Variants in CFDP1 observed in about 807,000 individuals in gnomAD.
CFDP1 encodes the protein chromatin remodeling protein CFDP1.
In CFDP1, 31 loss-of-function variants were observed where a neutral mutation model predicts 40.1. The ratio of observed to expected loss-of-function variants is 0.77; its 90% CI spans 0.58 to 1.04. The LOEUF (loss-of-function observed/expected upper bound fraction) is 1.04, where lower values mean the gene tolerates loss of function less well. Ranked by LOEUF, CFDP1 falls within the 50% of genes least tolerant of loss-of-function variation. CFDP1 has a pLI of 0.00. For synonymous variants in CFDP1, 167 were observed against 120.0 expected (o/e 1.39, Z -2.56); for missense variants, 423 against 343.4 (o/e 1.23, Z -1.83).
At chr16:75,345,260 C>T (rs1400479746) in intron 5 of CFDP1, among the ~76,000 whole-genome samples, 2 of 151,986 alleles carry the variant, frequency 1.3e-5, no homozygotes, top group African/African-American at 4.8e-5. Context: ...AGTTTGAGAC[C>T]AGCCTGGCCA....
intron 3 of CFDP1, 30 bp downstream of exon 3, chr16:75,412,505 G>A: frequency 2.6e-6 from 4 of 1,517,326 alleles, no homozygotes; most frequent in Non-Finnish European, 2.7e-6. Context: ...TTTCTGGAGA[G>A]GCATTCACCT....
At chr16:75,399,022 A>G (rs1406812600) in intron 4 of CFDP1, among the ~76,000 whole-genome samples, 1 of 145,668 alleles carries the variant, frequency 6.9e-6, no homozygotes, top group Non-Finnish European at 1.5e-5. Context: ...ATGCCACTGC[A>G]CTTCAGCCTG....
chr16:75,361,741 A>G (rs2151532160), intron 5 of CFDP1, among the ~76,000 whole-genome samples: 1 of 152,298 alleles, frequency 6.6e-6, no homozygotes, highest in South Asian at 2.1e-4. Flanking sequence ...AGGCACTTGC[A>G]CCCTCCATAA....
chr16:75,303,468 A>AT (rs1477555522), intron 6 of CFDP1, among the ~76,000 whole-genome samples: 1 of 149,316 alleles, frequency 6.7e-6, no homozygotes, highest in East Asian at 2.0e-4. Context: ...TTCCAGGTTC[A>AT]TTTAGATAAT....
rs887206698 is a variant in CFDP1 at position 75,401,836 on chromosome 16, A to G, written c.531-6627T>C. Among the ~76,000 whole-genome samples, 10 of 137,104 alleles carry G rather than the reference A, an allele frequency of 7.3e-5. No homozygotes were observed. The Admixed American group carries it at 8.3e-4, about 11-fold the overall frequency. The allele number at this position is 137,104 out of a possible 152,430, so 89.9% of individuals were successfully genotyped here. A position where few individuals can be genotyped will look rare whatever the true frequency, so the allele number is the denominator to read the frequency against. On this transcript the variant is annotated intron_variant, in intron 4 of 6. Transcript: ENST00000283882. ...AAGCAACCTAGATCCAAGCACTGTT[A>G]GATGTTGAACATATAAAAAAAAATA...
At chr16:75,309,369 A>G (rs1597322385) in intron 5 of CFDP1, among the ~76,000 whole-genome samples, 1 of 151,712 alleles carries the variant, frequency 6.6e-6, no homozygotes, top group Non-Finnish European at 1.5e-5. Flanking sequence ...CCCTATTCTG[A>G]GAAAGAACAC....
At position 75,303,157 on chromosome 16, in the gene CFDP1, G is replaced by A. The variant is rs7184331; in HGVS notation, c.809+1867C>T. Among the ~76,000 whole-genome samples, 1,363 of 148,168 alleles carry A rather than the reference G, an allele frequency of 9.2e-3. 27 individuals carry two copies. The highest frequency in any genetic ancestry group is 0.029 in the African/African-American group (1,159 of 39,714). The stretch of plus-strand genomic sequence containing the variant: ...AGAGGTTGCAGTGACCCAAGATCAC[G>A]CCATTGCATTCCAGCCTGCCCAACA... On this transcript the variant is annotated intron_variant, in intron 6 of 6. Transcript: ENST00000283882.
intron 6 of CFDP1, among the ~76,000 whole-genome samples, chr16:75,294,533 GAAGGA>G (rs1274297695): frequency 2.0e-5 from 3 of 152,324 alleles, no homozygotes; most frequent in Non-Finnish European, 2.9e-5. Flanking sequence ...ATGTGGTAAT[GAAGGA>G]AAGAAGACAG....
rs375817423 is a variant in CFDP1 at position 75,424,970 on chromosome 16, CTGGTAAATGAGTT to C, written c.64+8306_64+8318del. 3.6e-3 allele frequency among the ~76,000 whole-genome samples: 546 copies of C among 152,146 alleles called. 4 individuals carry two copies. Among genetic ancestry groups the C allele is most frequent in the African/African-American group, 0.012 (513 of 41,478 alleles). On this transcript the variant is annotated intron_variant, in intron 1 of 6. Coordinates refer to ENST00000283882, the MANE Select transcript of CFDP1 (RefSeq NM_006324.3). ...ACAGAATCTACAAAAACCTCCAGAA[CTGGTAAATGAGTT>C]TAGCAAGGTTGTAGAATACAAGGTT...
At chr16:75,297,146 T>TGTG (rs1491503380) in intron 6 of CFDP1, among the ~76,000 whole-genome samples, 5,092 of 132,898 alleles carry the variant, frequency 0.038, 355 homozygotes, top group East Asian at 0.047. Flanking sequence ...TTCCCATTTC[T>TGTG]TGTGTGTGTG....
chr16:75,326,978 A>C (rs993791258), intron 5 of CFDP1, among the ~76,000 whole-genome samples: 1 of 152,208 alleles, frequency 6.6e-6, no homozygotes, highest in Admixed American at 6.5e-5. Context: ...AGTTCTATCA[A>C]AACGGGAATA....
At chr16:75,326,697 C>T (rs1013686194) in intron 5 of CFDP1, among the ~76,000 whole-genome samples, 1 of 152,158 alleles carries the variant, frequency 6.6e-6, no homozygotes, top group Non-Finnish European at 1.5e-5. Context: ...AAAGAAGAGC[C>T]TAAAATCTTC....
chr16:75,428,740 A>G (rs565189783), intron 1 of CFDP1, among the ~76,000 whole-genome samples: 1 of 152,118 alleles, frequency 6.6e-6, no homozygotes, highest in Non-Finnish European at 1.5e-5. Flanking sequence ...AGGAAAAAAA[A>G]TTATAGGAAA....
rs897369070 is a variant in CFDP1, at chr16:75,294,146, C to G, written c.810-104G>C. 47 of 801,530 alleles carry G rather than the reference C, an allele frequency of 5.9e-5. 1 individual carries two copies. In the African/African-American group the frequency reaches 7.1e-4, roughly 12 times the overall value. 49.7% of individuals were successfully genotyped at this position (801,530 alleles called of 1,614,324 possible). On this transcript the variant is annotated intron_variant, in intron 6 of 6. Transcript: ENST00000283882. Reference sequence around the variant, plus strand: ...TAAACTAAGTTACAGTAAATGGTGCCGAGAGTGACCACCCATGACTCTTCC... The same window carrying G: ...TAAACTAAGTTACAGTAAATGGTGCGGAGAGTGACCACCCATGACTCTTCC...
At chr16:75,388,920 C>CTT (rs35626913) in intron 5 of CFDP1, among the ~76,000 whole-genome samples, 1 of 146,382 alleles carries the variant, frequency 6.8e-6, no homozygotes, top group African/African-American at 2.5e-5. Flanking sequence ...ACATTAAGGC[C>CTT]TTTTTTTTTT....
intron 5 of CFDP1, among the ~76,000 whole-genome samples, chr16:75,357,515 A>C (rs759504929): frequency 1.3e-5 from 2 of 152,118 alleles, no homozygotes; most frequent in Non-Finnish European, 2.9e-5. Flanking sequence ...TTGACTTCCA[A>C]AGTGCTGAGA....
chr16:75,393,109 G>A (rs1332693055), intron 5 of CFDP1, among the ~76,000 whole-genome samples: 1 of 152,208 alleles, frequency 6.6e-6, no homozygotes, highest in African/African-American at 2.4e-5. Context: ...CAAGGAATGT[G>A]TGGAAGCAGC....
At chr16:75,418,749 A>C (rs536529513) in intron 1 of CFDP1, among the ~76,000 whole-genome samples, 36 of 134,374 alleles carry the variant, frequency 2.7e-4, no homozygotes, top group African/African-American at 7.0e-4. Context: ...AAAAAAAAAA[A>C]AACTCATTTC....
Position 75,433,451 on chromosome 16 carries a change from C to G in CFDP1, c.-99G>C. 8.1e-7 allele frequency: 1 copy of G among 1,238,694 alleles called. No individual in the cohort carries two copies. Among genetic ancestry groups the G allele is most frequent in the East Asian group, 2.6e-5 (1 of 39,170 alleles). 76.7% of individuals were successfully genotyped at this position (1,238,694 alleles called of 1,614,324 possible). ...GACCATAGAGCCCCGGCGGCGGCGA[C>G]GGCAGCTAGGGCGGCCCCCGACAGC... On this transcript the variant is annotated 5_prime_UTR_variant, in exon 1 of 7. Transcript: ENST00000283882.
Sources: gnomAD v4.1 joint callset for allele counts (sites outside exome capture counted in the v4.1 genomes callset) on GRCh38, gnomAD v4.1.1 for gene constraint, MANE v1.5 for transcripts, NCBI Gene and HGNC (gene_info 2026-07-23, HGNC 2026-07-21) for gene names.